The following TAF11L13 variants were observed in gnomAD, a reference collection of about 807,000 sequenced individuals.
TAF11L13 encodes the protein TATA-box-binding protein-associated factor 11-like protein 13.
At chr5:17,632,109 G>T (rs1739703310) in exon 1 of TAF11L13, 2 of 397,024 alleles carry the variant, frequency 5.0e-6, no homozygotes, top group African/African-American at 2.1e-5. Flanking sequence ...CAGGCAAACA[G>T]GCGTGTCTGC....
chr5:17,632,310 C>G lies in TAF11L13; in HGVS notation c.223C>G (p.His75Asp), dbSNP rs1272468816. ...TCCTGCAGCCAAAAGACGGAAAACA[C>G]ATACGAAACGCAAGAAGGAGAGGAA... The change falls in exon 1 of 1, where the codon CAT becomes GAT. Residue 75 changes from histidine (H) to aspartate (D), a missense_variant. Coordinates refer to ENST00000639073, the Ensembl canonical transcript of TAF11L13. 8.0e-5 allele frequency: 32 copies of G among 397,862 alleles called. No individual in the cohort carries two copies. The East Asian group carries it at 9.3e-4, about 12-fold the overall frequency. The allele number at this position is 397,862 out of a possible 1,614,324, so 24.6% of individuals were successfully genotyped here.
chr5:17,632,138 C>T (rs968754550), exon 1 of TAF11L13: 2 of 397,362 alleles, frequency 5.0e-6, no homozygotes, highest in African/African-American at 4.2e-5. Flanking sequence ...TCGCCATGCC[C>T]CGAGGTCTGA....
rs568631379 is a variant in TAF11L13, at chr5:17,632,517, G to C, written c.430G>C (p.Gly144Arg). The change falls in exon 1 of 1, where the codon GGA (glycine) becomes CGA (arginine). Residue 144 changes from glycine to arginine, a missense_variant. Transcript: ENST00000639073. ...TGAGAACGCGGCCATTGCCATGGCTGGAATAGCCAAGGTCTTTGTTGGAGA... is the reference window on the plus strand; with the variant it reads ...TGAGAACGCGGCCATTGCCATGGCTCGAATAGCCAAGGTCTTTGTTGGAGA... The C allele has an allele frequency of 4.0e-3, 1,580 of 398,582 alleles. 42 individuals are homozygous for C. The highest frequency in any genetic ancestry group is 5.5e-3 in the Non-Finnish European group (1,242 of 225,904). 24.7% of individuals were successfully genotyped at this position (398,582 alleles called of 1,614,324 possible). A position where few individuals can be genotyped will look rare whatever the true frequency, so the allele number is the denominator to read the frequency against.
exon 1 of TAF11L13, chr5:17,632,589 C>G: frequency 2.5e-6 from 1 of 398,438 alleles, no homozygotes. Flanking sequence ...GGGAGAGACG[C>G]CCCCGCTGCA....
exon 1 of TAF11L13, chr5:17,632,468 G>C (rs1168868707): frequency 2.5e-6 from 1 of 398,630 alleles, no homozygotes; most frequent in Admixed American, 4.4e-5. Context: ...GTCTGATGCG[G>C]TCTATCACTG....
Position 17,632,298 on chromosome 5 carries a change from A to G in TAF11L13, c.211A>G (p.Arg71Gly), listed in dbSNP as rs536218053. The change falls in exon 1 of 1, where the codon AGA becomes GGA. Residue 71 changes from arginine to glycine, a missense_variant. Physicochemically the swap from Arg to Gly is moderately radical, Grantham distance 125. Transcript: ENST00000639073. ...AGCCTCAGCTCCTCCTGCAGCCAAA[A>G]GACGGAAAACACATACGAAACGCAA... 1.0e-4 allele frequency: 41 copies of G among 397,926 alleles called. 1 individual carries two copies. The South Asian group carries it at 3.1e-3, about 30-fold the overall frequency. The allele number at this position is 397,926 out of a possible 1,614,324, so 24.6% of individuals were successfully genotyped here.
exon 1 of TAF11L13, chr5:17,632,495 G>C (rs1739711415): frequency 2.5e-6 from 1 of 398,614 alleles, no homozygotes; most frequent in Non-Finnish European, 4.4e-6. Context: ...CGGTGTCTGA[G>C]AACGCGGCCA....
exon 1 of TAF11L13, chr5:17,632,607 C>A (rs1739716459): frequency 5.0e-6 from 2 of 398,344 alleles, no homozygotes; most frequent in Non-Finnish European, 8.9e-6. Flanking sequence ...GCAGCCCAAG[C>A]ATTTAAGGGA....
chr5:17,632,153 C>T (rs1739704399), exon 1 of TAF11L13: 3 of 397,770 alleles, frequency 7.5e-6, no homozygotes, highest in Non-Finnish European at 1.3e-5. Context: ...GTCTGAAGGG[C>T]AGCAAGAAGG....
chr5:17,632,619 G>A (rs1419979182), exon 1 of TAF11L13: 11 of 398,386 alleles, frequency 2.8e-5, no homozygotes, highest in Non-Finnish European at 3.1e-5. Flanking sequence ...TTTAAGGGAG[G>A]CTGTTCACAG....
chr5:17,632,289 G>A, exon 1 of TAF11L13: 2 of 397,868 alleles, frequency 5.0e-6, no homozygotes, highest in Non-Finnish European at 4.4e-6. Flanking sequence ...AGCTCCTCCT[G>A]CAGCCAAAAG....
exon 1 of TAF11L13, chr5:17,632,610 T>C: frequency 1.0e-5 from 4 of 398,320 alleles, no homozygotes; most frequent in Non-Finnish European, 1.8e-5. Flanking sequence ...GCCCAAGCAT[T>C]TAAGGGAGGC....
chr5:17,632,472 A>G (rs933324194), exon 1 of TAF11L13: 4 of 398,446 alleles, frequency 1.0e-5, no homozygotes, highest in African/African-American at 8.3e-5. Flanking sequence ...GATGCGGTCT[A>G]TCACTGGCAG....
exon 1 of TAF11L13, chr5:17,632,299 G>C (rs981231802): frequency 2.5e-6 from 1 of 397,800 alleles, no homozygotes; most frequent in African/African-American, 2.1e-5. Flanking sequence ...GCAGCCAAAA[G>C]ACGGAAAACA....
At chr5:17,632,292 G>GC in the TAF11L13 span, 1 of 397,884 alleles carries the variant, frequency 2.5e-6, no homozygotes, top group Non-Finnish European at 4.4e-6. Flanking sequence ...TCCTCCTGCA[G>GC]CCAAAAGACG....
At chr5:17,632,499 G>T (rs186785660) in exon 1 of TAF11L13, 6,035 of 398,566 alleles carry the variant, frequency 0.015, 215 homozygotes, top group Non-Finnish European at 0.015. Flanking sequence ...GTCTGAGAAC[G>T]CGGCCATTGC....
chr5:17,632,593 C>T (rs1289067247), exon 1 of TAF11L13: 5 of 398,312 alleles, frequency 1.3e-5, no homozygotes, highest in Non-Finnish European at 1.8e-5. Context: ...GAGACGCCCC[C>T]GCTGCAGCCC....
At chr5:17,632,425 G>C (rs1031370136) in exon 1 of TAF11L13, 6 of 398,350 alleles carry the variant, frequency 1.5e-5, no homozygotes, top group African/African-American at 8.3e-5. Flanking sequence ...GAAGTGTGTC[G>C]CCGGTCAGCT....
Position 17,632,235 on chromosome 5 carries a change from G to A in TAF11L13, c.148G>A (p.Asp50Asn), listed in dbSNP as rs1459940751. The A allele has an allele frequency of 3.0e-5, 12 of 397,836 alleles. No individual in the cohort carries two copies. In the East Asian group the frequency reaches 4.3e-4, roughly 14 times the overall value. The allele number at this position is 397,836 out of a possible 1,614,324, so 24.6% of individuals were successfully genotyped here. Residue 50 changes from aspartate to asparagine, a missense_variant, in exon 1 of 1, where the codon GAT becomes AAT. Transcript: ENST00000639073. Reference sequence around the variant, plus strand: ...TCAGGAAGGTGAGCTCAGGAGTGAGGATGTCATGGACCTCACAGAAGGTGA... The same window carrying A: ...TCAGGAAGGTGAGCTCAGGAGTGAGAATGTCATGGACCTCACAGAAGGTGA...
Sources: allele counts gnomAD v4.1 joint callset, GRCh38; gene constraint gnomAD v4.1.1; transcripts MANE v1.5; gene names NCBI Gene and HGNC (gene_info 2026-07-23, HGNC 2026-07-21).